SMAP1: variants seen among roughly 807,000 people sequenced by gnomAD.
SMAP1 encodes the protein small ArfGAP 1.
In SMAP1, 24 loss-of-function variants were observed where a neutral mutation model predicts 58.5. That is an observed-to-expected ratio of 0.41 (90% confidence interval 0.30 to 0.58). The LOEUF is 0.58. Ranked by LOEUF, SMAP1 falls within the 20% of genes least tolerant of loss-of-function variation. The pLI, the probability that SMAP1 is intolerant of heterozygous loss-of-function variation, is 0.29. For missense variants in SMAP1, 563 were observed against 566.3 expected (o/e 0.99, Z 0.06); for synonymous variants, 216 against 196.6 (o/e 1.10, Z -0.82).
intron 1 of SMAP1, among the ~76,000 whole-genome samples, chr6:70,722,422 C>T (rs1768570188): frequency 1.3e-5 from 2 of 152,214 alleles, no homozygotes; most frequent in Admixed American, 6.5e-5. Flanking sequence ...TCTTTCTTGT[C>T]CTCCTTTCAT....
At chr6:70,806,469 T>C (rs1769136761) in intron 6 of SMAP1, among the ~76,000 whole-genome samples, 1 of 152,070 alleles carries the variant, frequency 6.6e-6, no homozygotes, top group Admixed American at 6.5e-5. Flanking sequence ...CCTGGTGAGG[T>C]GATGCCCCGC....
Position 70,713,257 on chromosome 6 carries a change from A to G in SMAP1, c.119-19121A>G, listed in dbSNP as rs561419330. On this transcript the variant is annotated intron_variant, in intron 1 of 10. Coordinates refer to ENST00000370455, the MANE Select transcript of SMAP1 (RefSeq NM_001044305.3). ...TGATTTTTTTTCCTGTGGTTTTTCT[A>G]TGCTTTATTTGATTTATCTGTGTTT... 2.0e-4 allele frequency among the ~76,000 whole-genome samples: 30 copies of G among 151,194 alleles called. No individual in the cohort carries two copies. The South Asian group carries it at 5.6e-3, about 28-fold the overall frequency.
chr6:70,772,552 T>C (rs1562149879), intron 3 of SMAP1, among the ~76,000 whole-genome samples: 1 of 152,174 alleles, frequency 6.6e-6, no homozygotes, highest in Non-Finnish European at 1.5e-5. Context: ...AAGAACCCCT[T>C]TAAGAATTTC....
intron 1 of SMAP1, among the ~76,000 whole-genome samples, chr6:70,724,847 T>C (rs1020793760): frequency 3.3e-5 from 5 of 152,042 alleles, no homozygotes; most frequent in Admixed American, 2.0e-4. Flanking sequence ...TTTTTCTTAA[T>C]AAAATATTAT....
At chr6:70,690,710 T>TATA (rs1562095153) in intron 1 of SMAP1, among the ~76,000 whole-genome samples, 2 of 145,770 alleles carry the variant, frequency 1.4e-5, no homozygotes, top group African/African-American at 5.1e-5. Flanking sequence ...ATATATATAT[T>TATA]TTTGAATTTG....
At chr6:70,816,069 G>T (rs1769616873) in intron 6 of SMAP1, among the ~76,000 whole-genome samples, 1 of 152,122 alleles carries the variant, frequency 6.6e-6, no homozygotes, top group Non-Finnish European at 1.5e-5. Context: ...TGGAGGTTTG[G>T]AGAATTGAGA....
chr6:70,807,603 A>C (rs780567619), intron 6 of SMAP1, among the ~76,000 whole-genome samples: 1 of 152,208 alleles, frequency 6.6e-6, no homozygotes, highest in Non-Finnish European at 1.5e-5. Context: ...CTTTCAGTTT[A>C]ATCAGATTTT....
intron 4 of SMAP1, among the ~76,000 whole-genome samples, chr6:70,788,761 A>G (rs1165284685): frequency 6.6e-6 from 1 of 152,214 alleles, no homozygotes; most frequent in African/African-American, 2.4e-5. Context: ...GGGATAAGGT[A>G]GAGATGACAC....
At chr6:70,766,119 C>A (rs921746828) in intron 3 of SMAP1, among the ~76,000 whole-genome samples, 1 of 152,146 alleles carries the variant, frequency 6.6e-6, no homozygotes, top group South Asian at 2.1e-4. Flanking sequence ...TGTATATGCG[C>A]CACATTTTCT....
Position 70,668,037 on chromosome 6 carries a change from C to T in SMAP1, c.14C>T (p.Ser5Phe). 1 of 1,600,008 alleles carries T rather than the reference C, an allele frequency of 6.2e-7. No individual in the cohort carries two copies. The highest frequency in any genetic ancestry group is 8.5e-7 in the Non-Finnish European group (1 of 1,174,338). ...CCCGCTGCCGAGATGGCGACGCGCT[C>T]CTGTCGGGAGAAGGCTCAGAAGCTG... Reference protein sequence around the residue: MATRSCREKAQKLNE... With the variant: MATRFCREKAQKLNE... Residue 5 changes from serine to phenylalanine, a missense_variant, in exon 1 of 11, where the codon TCC becomes TTC. By Grantham distance (155) the Ser-to-Phe change is radical. This residue lies in a region of SMAP1 where 52 missense variants were observed against 46.6 expected (regional missense o/e 1.11). Coordinates refer to ENST00000370455, the MANE Select transcript of SMAP1 (RefSeq NM_001044305.3).
chr6:70,859,411 T>C (rs1187975815), intron 10 of SMAP1: 1 of 1,546,136 alleles, frequency 6.5e-7, no homozygotes, highest in Middle Eastern at 1.7e-4. Flanking sequence ...AAATGTCCTT[T>C]AGTAGGTATG....
intron 3 of SMAP1, among the ~76,000 whole-genome samples, chr6:70,771,110 G>A (rs1767279232): frequency 6.6e-6 from 1 of 152,192 alleles, no homozygotes; most frequent in Admixed American, 6.5e-5. Flanking sequence ...TCCTCTGGAA[G>A]TTTTGTCTCA....
intron 2 of SMAP1, among the ~76,000 whole-genome samples, chr6:70,750,378 A>G (rs1157384402): frequency 6.6e-6 from 1 of 152,196 alleles, no homozygotes; most frequent in African/African-American, 2.4e-5. Context: ...AGTTTCTTAA[A>G]TTAGACAAAT....
At chr6:70,765,316 C>T (rs531170157) in intron 3 of SMAP1, among the ~76,000 whole-genome samples, 4 of 152,094 alleles carry the variant, frequency 2.6e-5, no homozygotes, top group African/African-American at 9.7e-5. Context: ...ACCGGTTTTA[C>T]CCTAGGCTAG....
chr6:70,812,746 A>G lies in SMAP1; in HGVS notation c.576+14009A>G, dbSNP rs753602653. 1.3e-4 allele frequency among the ~76,000 whole-genome samples: 20 copies of G among 152,266 alleles called. No individual in the cohort carries two copies. In the South Asian group the frequency reaches 2.5e-3, roughly 19 times the overall value. ...CTGTCCATTACCTATGTTTTCACCT[A>G]TCATTTCATTTCAGTTTATTCTTTT... On this transcript the variant is annotated intron_variant, in intron 6 of 10. Coordinates refer to ENST00000370455, the MANE Select transcript of SMAP1 (RefSeq NM_001044305.3).
chr6:70,678,562 T>TA (rs142848960), intron 1 of SMAP1, among the ~76,000 whole-genome samples: 1 of 152,206 alleles, frequency 6.6e-6, no homozygotes, highest in Non-Finnish European at 1.5e-5. Flanking sequence ...TTGCTGCTAT[T>TA]AAAAAATCCT....
At chr6:70,852,791 TAG>T in intron 8 of SMAP1, 127 bp downstream of exon 8, 1 of 1,150,402 alleles carries the variant, frequency 8.7e-7, no homozygotes, top group Non-Finnish European at 1.2e-6. Flanking sequence ...TTCTTTAGGC[TAG>T]AGTTTAGCAA....
intron 6 of SMAP1, among the ~76,000 whole-genome samples, chr6:70,803,310 A>T (rs545160249): frequency 1.3e-5 from 2 of 152,086 alleles, no homozygotes; most frequent in Non-Finnish European, 2.9e-5. Context: ...GTATTCTCTG[A>T]TGGTAGTTTG....
intron 1 of SMAP1, among the ~76,000 whole-genome samples, chr6:70,722,206 A>G (rs2149848345): frequency 6.6e-6 from 1 of 152,338 alleles, no homozygotes; most frequent in African/African-American, 2.4e-5. Context: ...GCCTTCTGAG[A>G]TAATTAATGG....
Sources: gnomAD v4.1 joint callset for allele counts (sites outside exome capture counted in the v4.1 genomes callset) on GRCh38, gnomAD v4.1.1 for gene constraint, gnomAD v4.1.1 regional missense constraint, MANE v1.5 for transcripts, NCBI Gene and HGNC (gene_info 2026-07-23, HGNC 2026-07-21) for gene names.